TSGA13: variants seen among roughly 807,000 people sequenced by gnomAD.
TSGA13 encodes the protein testis specific 13, also known as testis-specific gene 13 protein.
Under a neutral mutation model 35.1 loss-of-function variants are expected in TSGA13, and 37 were observed. The observed-to-expected ratio is 1.05, with a 90% CI of 0.81 to 1.39. The LOEUF (loss-of-function observed/expected upper bound fraction) is 1.39. Among genes scored for constraint, TSGA13 ranks in the 40% most tolerant of loss-of-function variants. The pLI is 0.00. For synonymous variants in TSGA13, 124 were observed against 121.2 expected (o/e 1.02, Z -0.15); for missense variants, 338 against 328.5 (o/e 1.03, Z -0.22).
At chr7:130,679,050 G>C in intron 5 of TSGA13, 105 bp downstream of exon 5, 1 of 954,992 alleles carries the variant, frequency 1.0e-6, no homozygotes, top group East Asian at 2.4e-5. Flanking sequence ...AAAAAATTAA[G>C]AGGTTTTCTG....
chr7:130,682,448 T>A (rs1796570190), intron 3 of TSGA13, among the ~76,000 whole-genome samples: 1 of 151,176 alleles, frequency 6.6e-6, no homozygotes, highest in Admixed American at 6.6e-5. Context: ...GAGATGAGGG[T>A]CTCACTGTGT....
At chr7:130,675,776 C>G (rs1796399086) in intron 5 of TSGA13, among the ~76,000 whole-genome samples, 1 of 152,216 alleles carries the variant, frequency 6.6e-6, no homozygotes, top group African/African-American at 2.4e-5. Flanking sequence ...GACCTGGAAA[C>G]AAGAATCTGA....
intron 5 of TSGA13, among the ~76,000 whole-genome samples, chr7:130,673,958 G>A (rs1281121139): frequency 6.6e-6 from 1 of 151,694 alleles, no homozygotes; most frequent in African/African-American, 2.4e-5. Context: ...AGCTGGGCGT[G>A]GTGGCGCGTG....
At chr7:130,680,574 G>A (rs1361956628) in intron 4 of TSGA13, among the ~76,000 whole-genome samples, 15 of 151,876 alleles carry the variant, frequency 9.9e-5, no homozygotes, top group African/African-American at 3.6e-4. Context: ...GGGTGAGGAA[G>A]GGACGGTCCC....
At chr7:130,682,611 A>ACCCACCTTTT (rs1796574593) in intron 3 of TSGA13, among the ~76,000 whole-genome samples, 1 of 152,126 alleles carries the variant, frequency 6.6e-6, no homozygotes, top group African/African-American at 2.4e-5. Flanking sequence ...TGGGTGCCTT[A>ACCCACCTTTT]CCCACCTTAC....
chr7:130,681,111 G>T, intron 3 of TSGA13, 94 bp from the exon 4 acceptor site: 3 of 1,057,642 alleles, frequency 2.8e-6, no homozygotes, highest in Non-Finnish European at 4.4e-6. Context: ...TGGAGAACTG[G>T]TCTCTAACTT....
intron 7 of TSGA13, among the ~76,000 whole-genome samples, chr7:130,671,309 A>G (rs1483817619): frequency 1.3e-5 from 2 of 152,206 alleles, no homozygotes; most frequent in African/African-American, 4.8e-5. Flanking sequence ...CAAAACCATG[A>G]TATCAATGAT....
intron 5 of TSGA13, among the ~76,000 whole-genome samples, chr7:130,674,762 T>C (rs974513127): frequency 6.6e-6 from 1 of 152,230 alleles, no homozygotes; most frequent in Non-Finnish European, 1.5e-5. Context: ...TATCAGAATC[T>C]TAAAGACTTT....
Position 130,680,939 on chromosome 7 carries a change from T to A in TSGA13, c.174+7A>T. ...AGAGATCTTGGGGGAATGCTTTCTC[T>A]ACCTACCAAATTTGGATGGACTGTG... On this transcript the variant is annotated splice_region_variant and intron_variant, in intron 4 of 7. Coordinates refer to ENST00000356588, the MANE Select transcript of TSGA13 (RefSeq NM_052933.4). 6.2e-7 allele frequency: 1 copy of A among 1,613,910 alleles called. No individual in the cohort carries two copies. Among genetic ancestry groups the A allele is most frequent in the Non-Finnish European group, 8.5e-7 (1 of 1,179,842 alleles).
intron 3 of TSGA13, 104 bp from the exon 4 acceptor site, chr7:130,681,121 T>TAGGG: frequency 2.1e-6 from 2 of 938,132 alleles, no homozygotes. Flanking sequence ...GTCTCTAACT[T>TAGGG]ACACTAAGTA....
At chr7:130,677,561 A>C (rs1179414904) in intron 5 of TSGA13, among the ~76,000 whole-genome samples, 1 of 151,968 alleles carries the variant, frequency 6.6e-6, no homozygotes, top group Non-Finnish European at 1.5e-5. Context: ...AGTAGCTGGG[A>C]CTACAGGCAT....
In TSGA13 at chr7:130,679,368, C is replaced by G. The variant is rs782491364; in HGVS notation, c.175-1G>C. ...CCTTCAAAGGCTTATAGTACTGGGCCTGAACAGACAGAAAGGTTTCCAGAG... is the reference window on the plus strand; with the variant it reads ...CCTTCAAAGGCTTATAGTACTGGGCGTGAACAGACAGAAAGGTTTCCAGAG... On this transcript the variant is annotated splice_acceptor_variant, in intron 4 of 7. Transcript: ENST00000356588. LOFTEE classifies it high-confidence loss of function. 6.2e-6 allele frequency: 10 copies of G among 1,606,310 alleles called. No individual in the cohort carries two copies. In the South Asian group the frequency reaches 1.1e-4, roughly 18 times the overall value.
Position 130,683,672 on chromosome 7 carries a change from C to G in TSGA13, c.24G>C (p.Lys8Asn), listed in dbSNP as rs149851433. MSQKRQT[K>N]FQNGKSKTSE... Reference sequence around the variant, plus strand: ...AAGTCTTTGATTTGCCATTTTGAAACCTGAAAAAGAGGCAGAACATCCGGT... The same window carrying G: ...AAGTCTTTGATTTGCCATTTTGAAAGCTGAAAAAGAGGCAGAACATCCGGT... The change falls in exon 3 of 8, where the codon AAG (lysine) becomes AAC (asparagine). Residue 8 changes from lysine (K) to asparagine (N), a missense_variant and splice_region_variant. By Grantham distance (94) the Lys-to-Asn change is moderately conservative. Coordinates refer to ENST00000356588, the MANE Select transcript of TSGA13 (RefSeq NM_052933.4). 9.2e-5 allele frequency: 149 copies of G among 1,613,484 alleles called. No homozygotes were observed. The highest frequency in any genetic ancestry group is 1.2e-4 in the Non-Finnish European group (138 of 1,179,720).
intron 5 of TSGA13, 29 bp downstream of exon 5, chr7:130,679,126 A>G: frequency 1.9e-6 from 3 of 1,578,990 alleles, no homozygotes; most frequent in South Asian, 2.2e-5. Flanking sequence ...CAGGGTTCAC[A>G]TTTTGGGTGC....
At chr7:130,682,328 C>T (rs545173410) in intron 3 of TSGA13, among the ~76,000 whole-genome samples, 49 of 152,256 alleles carry the variant, frequency 3.2e-4, no homozygotes, top group Non-Finnish European at 5.3e-4. Flanking sequence ...CCATATTGGC[C>T]AGGCTGGTTT....
In TSGA13 at chr7:130,678,940, T is replaced by C. The variant is rs140300329; in HGVS notation, c.387+215A>G. On this transcript the variant is annotated intron_variant, in intron 5 of 7. Transcript: ENST00000356588. ...TACTCAGGAGGCTGAGATGGGAAGA[T>C]TGTTTGAGCCCAAGAGGTCAAGGCT... Among the ~76,000 whole-genome samples, 38 of 152,300 alleles carry C rather than the reference T, an allele frequency of 2.5e-4. No individual in the cohort carries two copies. In the East Asian group the frequency reaches 5.4e-3, roughly 22 times the overall value.
intron 3 of TSGA13, among the ~76,000 whole-genome samples, chr7:130,683,291 G>A (rs1422761630): frequency 6.6e-6 from 1 of 152,188 alleles, no homozygotes; most frequent in Non-Finnish European, 1.5e-5. Flanking sequence ...ATACCCAGTG[G>A]AGTTTTGCTA....
upstream of TSGA13, chr7:130,686,679 G>C (rs1290540890): frequency 7.5e-6 from 1 of 132,892 alleles, no homozygotes; most frequent in African/African-American, 2.8e-5. Flanking sequence ...TATTTTGCCA[G>C]CCTATGACTT....
At chr7:130,680,718 G>T (rs1398395016) in intron 4 of TSGA13, among the ~76,000 whole-genome samples, 1 of 152,032 alleles carries the variant, frequency 6.6e-6, no homozygotes, top group African/African-American at 2.4e-5. Flanking sequence ...AAAATCAGCT[G>T]TGGGGACCCA....
Sources: gnomAD v4.1 joint callset for allele counts (sites outside exome capture counted in the v4.1 genomes callset) on GRCh38, gnomAD v4.1.1 for gene constraint, MANE v1.5 for transcripts, NCBI Gene and HGNC (gene_info 2026-07-23, HGNC 2026-07-21) for gene names.